LNX2: variants seen among roughly 807,000 people sequenced by gnomAD.
The protein encoded by LNX2 is ligand of numb-protein X 2.
LNX2 carries 35 observed loss-of-function variants against 66.2 expected under a neutral mutation model. The ratio of observed to expected loss-of-function variants is 0.53; its 90% CI spans 0.40 to 0.70. The LOEUF (loss-of-function observed/expected upper bound fraction) is 0.70, where lower values mean the gene tolerates loss of function less well. Among genes scored for constraint, LNX2 ranks in the 30% least tolerant of loss-of-function variants. The pLI, the probability that LNX2 is intolerant of heterozygous loss-of-function variation, is 0.00. For synonymous variants in LNX2, 337 were observed against 315.6 expected (o/e 1.07, Z -0.72); for missense variants, 791 against 850.8 (o/e 0.93, Z 0.87).
chr13:27,599,467 A>G (rs79953916), intron 1 of LNX2, among the ~76,000 whole-genome samples: 1,598 of 152,334 alleles, frequency 0.01, 15 homozygotes, highest in Middle Eastern at 0.054. Flanking sequence ...AATTTGGGAT[A>G]TAACTTCCTC....
rs1258959724 is a variant in LNX2, at chr13:27,553,444, T to C, written c.1547-5A>G. ...TGATATTTAGCAACACATCACCTGT[T>C]CAGATGAAGAAACAAGAAAAATGAG... On this transcript the variant is annotated splice_polypyrimidine_tract_variant and splice_region_variant and intron_variant, in intron 7 of 9. Coordinates refer to ENST00000316334, the MANE Select transcript of LNX2 (RefSeq NM_153371.4). 6.2e-7 allele frequency: 1 copy of C among 1,608,266 alleles called. No individual in the cohort carries two copies. The highest frequency in any genetic ancestry group is 1.3e-5 in the African/African-American group (1 of 74,916).
intron 1 of LNX2, among the ~76,000 whole-genome samples, chr13:27,620,130 G>C (rs1955879925): frequency 6.6e-6 from 1 of 151,030 alleles, no homozygotes; most frequent in Non-Finnish European, 1.5e-5. Flanking sequence ...GCCTGCAGGC[G>C]GCGGGCACCG....
chr13:27,616,687 C>A (rs1194582311), intron 1 of LNX2, among the ~76,000 whole-genome samples: 1 of 152,246 alleles, frequency 6.6e-6, no homozygotes, highest in Non-Finnish European at 1.5e-5. Flanking sequence ...ACAACACCTG[C>A]TTCTTTAAAA....
Position 27,569,227 on chromosome 13 carries a change from T to G in LNX2, c.457A>C (p.Ser153Arg). The change falls in exon 3 of 10, where the codon AGT becomes CGT. Residue 153 changes from serine (S) to arginine (R), a missense_variant. Coordinates refer to ENST00000316334, the MANE Select transcript of LNX2 (RefSeq NM_153371.4). Reference sequence around the variant, plus strand: ...TTCTCAATCTCTGCTTGAGTTCTACTAGTTTTCCTTCTCTCCAGGGCAACT... The same window carrying G: ...TTCTCAATCTCTGCTTGAGTTCTACGAGTTTTCCTTCTCTCCAGGGCAACT... ...RRVALERRKT[S>R]RTQAEIENEN... 1 of 1,613,558 alleles carries G rather than the reference T, an allele frequency of 6.2e-7. No homozygotes were observed. The highest frequency in any genetic ancestry group is 8.5e-7 in the Non-Finnish European group (1 of 1,179,734).
chr13:27,580,315 A>C (rs1347233485), intron 2 of LNX2, among the ~76,000 whole-genome samples: 1 of 151,536 alleles, frequency 6.6e-6, no homozygotes, highest in Non-Finnish European at 1.5e-5. Context: ...GGGATTAGAT[A>C]ATCTCCTTCA....
intron 2 of LNX2, among the ~76,000 whole-genome samples, chr13:27,575,574 C>T (rs1412023085): frequency 1.3e-5 from 2 of 152,168 alleles, no homozygotes; most frequent in Non-Finnish European, 2.9e-5. Flanking sequence ...TGCCCTCAGA[C>T]TGGGATCACT....
At chr13:27,552,735 G>T (rs1302249782) in intron 8 of LNX2, among the ~76,000 whole-genome samples, 5 of 152,266 alleles carry the variant, frequency 3.3e-5, no homozygotes, top group Admixed American at 6.5e-5. Context: ...AACACTAATG[G>T]TTTGGCTTAA....
rs539832551 is a variant in LNX2, at chr13:27,569,738, G to A, written c.408-462C>T. On this transcript the variant is annotated intron_variant, in intron 2 of 9. Transcript: ENST00000316334. ...GCTTCTACACTCTTCACAGACACAC[G>A]ACACGCTCATTAATTAGTGGGTAGT... Among the ~76,000 whole-genome samples, 4 of 152,176 alleles carry A rather than the reference G, an allele frequency of 2.6e-5. No homozygotes were observed. In the South Asian group the frequency reaches 6.2e-4, roughly 24 times the overall value.
intron 2 of LNX2, among the ~76,000 whole-genome samples, chr13:27,573,332 T>TCC (rs373162344): frequency 6.6e-6 from 1 of 151,984 alleles, no homozygotes; most frequent in African/African-American, 2.4e-5. Flanking sequence ...TTCTTTTTTT[T>TCC]CCCCCTATAC....
chr13:27,556,966 T>C (rs1268189747), intron 6 of LNX2, among the ~76,000 whole-genome samples: 2 of 152,178 alleles, frequency 1.3e-5, no homozygotes, highest in Non-Finnish European at 1.5e-5. Flanking sequence ...GCTAAAAGGA[T>C]ATAAAATGAC....
At chr13:27,553,070 AATTTG>A (rs1293823647) in intron 8 of LNX2, 133 bp downstream of exon 8, 10 of 673,262 alleles carry the variant, frequency 1.5e-5, no homozygotes, top group Admixed American at 5.8e-5. Flanking sequence ...TTTCTTTTGT[AATTTG>A]ATTTGATGTT....
chr13:27,586,042 A>G (rs1955482335), intron 1 of LNX2, among the ~76,000 whole-genome samples: 1 of 148,476 alleles, frequency 6.7e-6, no homozygotes, highest in Admixed American at 6.8e-5. Context: ...ATATACTTAT[A>G]TATACATATA....
rs527286260 is a variant in LNX2, at chr13:27,556,176, T to C, written c.1546+60A>G. ...TACTTTGTAGATATTCTTTATTTTTTTAAATGTGCATTTAATTCAGAAATA... is the reference window on the plus strand; with the variant it reads ...TACTTTGTAGATATTCTTTATTTTTCTAAATGTGCATTTAATTCAGAAATA... On this transcript the variant is annotated intron_variant, in intron 7 of 9. Coordinates refer to ENST00000316334, the MANE Select transcript of LNX2 (RefSeq NM_153371.4). 2.6e-4 allele frequency: 389 copies of C among 1,492,246 alleles called. No homozygotes were observed. The African/African-American group carries it at 5.1e-3, about 19-fold the overall frequency. The allele number at this position is 1,492,246 out of a possible 1,614,324, so 92.4% of individuals were successfully genotyped here.
intron 1 of LNX2, among the ~76,000 whole-genome samples, chr13:27,609,021 G>A (rs544550604): frequency 1.3e-5 from 2 of 152,072 alleles, no homozygotes; most frequent in African/African-American, 4.8e-5. Context: ...TTGAACTCCT[G>A]GCCTCATGTA....
At chr13:27,578,658 C>T (rs992591969) in intron 2 of LNX2, among the ~76,000 whole-genome samples, 1 of 152,116 alleles carries the variant, frequency 6.6e-6, no homozygotes, top group African/African-American at 2.4e-5. Flanking sequence ...CTTTAAATAC[C>T]CTGAGGCTGT....
At chr13:27,608,475 CTT>C (rs912677775) in intron 1 of LNX2, among the ~76,000 whole-genome samples, 18 of 152,192 alleles carry the variant, frequency 1.2e-4, no homozygotes, top group African/African-American at 4.1e-4. Context: ...TGTTTATTCT[CTT>C]TGCATAGTTT....
chr13:27,564,268 G>A (rs142133583), intron 4 of LNX2, among the ~76,000 whole-genome samples: 13 of 152,292 alleles, frequency 8.5e-5, no homozygotes, highest in African/African-American at 2.6e-4. Flanking sequence ...ATGGTTGCCA[G>A]TGAAATTCAG....
chr13:27,617,225 C>T (rs1452581320), intron 1 of LNX2, among the ~76,000 whole-genome samples: 1 of 152,152 alleles, frequency 6.6e-6, no homozygotes, highest in Non-Finnish European at 1.5e-5. Flanking sequence ...GACTCTCAGG[C>T]CCTCCTACAG....
chr13:27,592,699 C>A (rs1239804987), intron 1 of LNX2, among the ~76,000 whole-genome samples: 1 of 152,130 alleles, frequency 6.6e-6, no homozygotes, highest in African/African-American at 2.4e-5. Context: ...CACCTTGGCA[C>A]CTTTCTGGGG....
Sources: allele counts gnomAD v4.1 joint callset (sites outside exome capture counted in the v4.1 genomes callset), GRCh38; gene constraint gnomAD v4.1.1; transcripts MANE v1.5; gene names NCBI Gene and HGNC (gene_info 2026-07-23, HGNC 2026-07-21).